PTHLH: variants seen among roughly 807,000 people sequenced by gnomAD.
The protein encoded by PTHLH is parathyroid hormone-related protein.
PTHLH carries 5 observed loss-of-function variants against 18.6 expected under a neutral mutation model. The ratio of observed to expected loss-of-function variants is 0.27; its 90% CI spans 0.14 to 0.56. PTHLH has a LOEUF of 0.56. Among genes scored for constraint, PTHLH ranks in the 20% least tolerant of loss-of-function variants. The pLI is 0.92. For synonymous variants in PTHLH, 90 were observed against 94.0 expected (o/e 0.96, Z 0.25); for missense variants, 207 against 223.9 (o/e 0.92, Z 0.48).
At chr12:27,961,290 T>TG (rs2062752423) in intron 5 of PTHLH, among the ~76,000 whole-genome samples, 1 of 22,888 alleles carries the variant, frequency 4.4e-5, no homozygotes, top group East Asian at 7.5e-4. Flanking sequence ...TATATACGTA[T>TG]ATATATATAC....
chr12:27,962,719 AT>A, intron 5 of PTHLH: 1 of 982,616 alleles, frequency 1.0e-6, no homozygotes, highest in Non-Finnish European at 1.2e-6. Context: ...GAAACCATTT[AT>A]TTTGTATGAG....
chr12:27,971,378 G>A (rs1328842938), intron 2 of PTHLH, among the ~76,000 whole-genome samples: 1 of 152,112 alleles, frequency 6.6e-6, no homozygotes, highest in African/African-American at 2.4e-5. Context: ...ACCCTCCCCA[G>A]GGCTCCTCTA....
chr12:27,962,104 G>A (rs574183279), intron 5 of PTHLH: 124 of 525,782 alleles, frequency 2.4e-4, no homozygotes, highest in Admixed American at 4.1e-4. Flanking sequence ...GATAAATCCA[G>A]CTTTGGGGCC....
rs566503465 is a variant in PTHLH at position 27,958,160 on chromosome 12, G to C, written c.*399C>G. 6.4e-6 allele frequency: 1 copy of C among 155,868 alleles called. No individual in the cohort carries two copies. Among genetic ancestry groups the C allele is most frequent in the South Asian group, 2.1e-4 (1 of 4,830 alleles). 9.7% of individuals were successfully genotyped at this position (155,868 alleles called of 1,614,324 possible). ...TACTGTTATTTTTACATGCACAAAG[G>C]AAAATCAATTTGGATAATTATATTT... On this transcript the variant is annotated 3_prime_UTR_variant, in exon 6 of 6. Transcript: ENST00000545234.
chr12:27,969,829 G>A (rs537790814), intron 3 of PTHLH, 196 bp downstream of exon 3: 4 of 546,354 alleles, frequency 7.3e-6, no homozygotes, highest in Non-Finnish European at 1.4e-5. Context: ...ATGATAAGTA[G>A]TGTGTTTACA....
intron 5 of PTHLH, among the ~76,000 whole-genome samples, chr12:27,961,094 T>C (rs903752564): frequency 6.6e-6 from 1 of 151,800 alleles, no homozygotes; most frequent in Admixed American, 6.6e-5. Context: ...CTTTCAGCCC[T>C]AGGTCTGGAT....
chr12:27,969,675 A>T (rs1011791971), intron 3 of PTHLH, 159 bp from the exon 4 acceptor site: 2 of 778,434 alleles, frequency 2.6e-6, no homozygotes, highest in African/African-American at 3.4e-5. Flanking sequence ...GCCTCTCAGC[A>T]CTTACTTATT....
At chr12:27,959,946 T>C (rs2062740111) in intron 5 of PTHLH, among the ~76,000 whole-genome samples, 1 of 152,190 alleles carries the variant, frequency 6.6e-6, no homozygotes, top group South Asian at 2.1e-4. Context: ...GAATTGAGTA[T>C]AAGAATAACA....
Position 27,958,500 on chromosome 12 carries a change from C to T in PTHLH, c.*59G>A. 4 of 1,464,068 alleles carry T rather than the reference C, an allele frequency of 2.7e-6. No homozygotes were observed. Among genetic ancestry groups the T allele is most frequent in the Non-Finnish European group, 3.7e-6 (4 of 1,077,072 alleles). 90.7% of individuals were successfully genotyped at this position (1,464,068 alleles called of 1,614,324 possible). A position where few individuals can be genotyped will look rare whatever the true frequency, so the allele number is the denominator to read the frequency against. ...GACAATAAATATTTCTAATACTTTC[C>T]ATATGTTCACTATTACAGAATCCTG... On this transcript the variant is annotated 3_prime_UTR_variant, in exon 6 of 6. Transcript: ENST00000545234.
intron 5 of PTHLH, among the ~76,000 whole-genome samples, chr12:27,959,539 A>G (rs2062737031): frequency 1.3e-5 from 2 of 152,114 alleles, no homozygotes; most frequent in South Asian, 4.1e-4. Flanking sequence ...TTTGTTCCCA[A>G]GGAAACAACT....
chr12:27,963,841 G>A, intron 4 of PTHLH, 71 bp from the exon 5 acceptor site: 1 of 1,475,020 alleles, frequency 6.8e-7, no homozygotes, highest in Non-Finnish European at 9.4e-7. Flanking sequence ...ACAAAGACAT[G>A]AGTAAATCTC....
In PTHLH at chr12:27,969,582, TC is replaced by T. The variant is rs1316165256; in HGVS notation, c.-22-67del. On this transcript the variant is annotated intron_variant, in intron 3 of 5. Coordinates refer to ENST00000545234, the MANE Select transcript of PTHLH (RefSeq NM_198965.2). ...TCTCCATCTCCCCGCACTACTCCGC[TC>T]CCCCTTTTTAGCCCGCTCTCAAAAA... 3.0e-6 allele frequency: 4 copies of T among 1,321,466 alleles called. No homozygotes were observed. In the African/African-American group the frequency reaches 5.8e-5, roughly 19 times the overall value. 81.9% of individuals were successfully genotyped at this position (1,321,466 alleles called of 1,614,324 possible).
At chr12:27,968,709 A>G (rs930410625) in intron 4 of PTHLH, among the ~76,000 whole-genome samples, 4 of 152,230 alleles carry the variant, frequency 2.6e-5, no homozygotes, top group African/African-American at 7.2e-5. Flanking sequence ...TCAGTCTACA[A>G]TGCAAATATT....
chr12:27,968,870 T>G (rs1443912571), intron 4 of PTHLH, among the ~76,000 whole-genome samples: 2 of 152,236 alleles, frequency 1.3e-5, no homozygotes, highest in Non-Finnish European at 2.9e-5. Context: ...TGCTACTTTA[T>G]TATATAATAC....
intron 4 of PTHLH, chr12:27,969,102 T>C: frequency 2.5e-6 from 1 of 404,718 alleles, no homozygotes; most frequent in East Asian, 4.6e-5. Context: ...CTTTTTTTCT[T>C]TTCCACTAGA....
At chr12:27,959,602 C>T (rs2062737654) in intron 5 of PTHLH, among the ~76,000 whole-genome samples, 1 of 152,134 alleles carries the variant, frequency 6.6e-6, no homozygotes, top group Non-Finnish European at 1.5e-5. Flanking sequence ...AGAGTTGTGG[C>T]AGAGTTTTAC....
chr12:27,961,774 A>G, intron 5 of PTHLH: 1 of 540,382 alleles, frequency 1.9e-6, no homozygotes, highest in East Asian at 3.0e-5. Context: ...TTGCTATTTT[A>G]TGTGCTATTT....
rs2062847655 is a variant in PTHLH, at chr12:27,969,435, C to T, written c.60G>A (p.Val20=). ...CCTCCACCGAGCGCCCGCAGGAGGGCACCGCGTAGCTCAGCAGGAACACCG... is the reference window on the plus strand; with the variant it reads ...CCTCCACCGAGCGCCCGCAGGAGGGTACCGCGTAGCTCAGCAGGAACACCG... The part of the protein sequence containing the change: ...SVAVFLLSYA[V]PSCGRSVEGL... Residue 20 remains valine (V), a synonymous_variant, in exon 4 of 6, where the codon GTG becomes GTA. Coordinates refer to ENST00000545234, the MANE Select transcript of PTHLH (RefSeq NM_198965.2). 4 of 1,595,264 alleles carry T rather than the reference C, an allele frequency of 2.5e-6. No homozygotes were observed. The highest frequency in any genetic ancestry group is 3.4e-6 in the Non-Finnish European group (4 of 1,173,000).
rs1704111247 is a variant in PTHLH at position 27,958,566 on chromosome 12, C to T, written c.527G>A (p.Arg176Lys). The T allele has an allele frequency of 6.4e-7, 1 of 1,572,680 alleles. No individual in the cohort carries two copies. Among genetic ancestry groups the T allele is most frequent in the Non-Finnish European group, 8.6e-7 (1 of 1,157,244 alleles). Residue 176 changes from arginine (R) to lysine (K), a missense_variant and splice_region_variant, in exon 6 of 6, where the codon AGG (arginine) becomes AAG (lysine). Arg to Lys is a conservative substitution (Grantham distance 26). Coordinates refer to ENST00000545234, the MANE Select transcript of PTHLH (RefSeq NM_198965.2). ...AGGTCTCTGCTGAAAATTTCAATGC[C>T]TCCTGCAAAAAGAAGGAAGAGAAAG... ...STTSLELDSRRH is the reference protein window; with the variant it reads ...STTSLELDSRKH
Sources: allele counts gnomAD v4.1 joint callset (sites outside exome capture counted in the v4.1 genomes callset), GRCh38; gene constraint gnomAD v4.1.1; transcripts MANE v1.5; gene names NCBI Gene and HGNC (gene_info 2026-07-23, HGNC 2026-07-21).